Variants in CBFA2T3 observed in about 807,000 individuals in gnomAD.
CBFA2T3 encodes the protein transcriptional corepressor CBFA2T3.
A neutral mutation model predicts 58.6 loss-of-function variants in CBFA2T3; 31 were observed. The ratio of observed to expected loss-of-function variants is 0.53; its 90% CI spans 0.40 to 0.71. The LOEUF (loss-of-function observed/expected upper bound fraction) is 0.71, where lower values mean the gene tolerates loss of function less well. CBFA2T3 is among the 30% of genes least tolerant of loss of function. The pLI is 0.00. For synonymous variants in CBFA2T3, 531 were observed against 421.9 expected (o/e 1.26, Z -3.17); for missense variants, 1,076 against 963.1 (o/e 1.12, Z -1.55).
At chr16:88,966,828 C>T (rs762712501) in intron 1 of CBFA2T3, among the ~76,000 whole-genome samples, 17 of 152,174 alleles carry the variant, frequency 1.1e-4, no homozygotes, top group South Asian at 2.1e-4. Context: ...GGATGCAGCA[C>T]GCCCACTGCT....
chr16:88,916,016 G>C (rs111445102), intron 1 of CBFA2T3, among the ~76,000 whole-genome samples: 10 of 152,062 alleles, frequency 6.6e-5, no homozygotes, highest in Non-Finnish European at 1.3e-4. Flanking sequence ...ATGGGTGTGT[G>C]TCCGTGTGTA....
At chr16:88,878,260 G>C (rs1365212109) in intron 11 of CBFA2T3, among the ~76,000 whole-genome samples, 1 of 152,260 alleles carries the variant, frequency 6.6e-6, no homozygotes, top group Non-Finnish European at 1.5e-5. Context: ...CTCTGTGAGA[G>C]TTGTGCCTGT....
intron 1 of CBFA2T3, among the ~76,000 whole-genome samples, chr16:88,942,050 C>T (rs930686122): frequency 6.6e-6 from 1 of 152,100 alleles, no homozygotes; most frequent in African/African-American, 2.4e-5. Context: ...CCTCGCTTCC[C>T]GCGGGTCCCG....
chr16:88,945,848 A>C (rs1971888272), intron 1 of CBFA2T3, among the ~76,000 whole-genome samples: 1 of 152,242 alleles, frequency 6.6e-6, no homozygotes, highest in Non-Finnish European at 1.5e-5. Context: ...ACTAATGTCC[A>C]CACAAAACCC....
chr16:88,926,426 G>A (rs765916384), intron 1 of CBFA2T3, among the ~76,000 whole-genome samples: 4 of 152,308 alleles, frequency 2.6e-5, no homozygotes, highest in South Asian at 2.1e-4. Flanking sequence ...CCAAAATGTC[G>A]GTGTCTGCTC....
intron 1 of CBFA2T3, among the ~76,000 whole-genome samples, chr16:88,945,624 C>T (rs981204383): frequency 3.9e-5 from 6 of 152,186 alleles, no homozygotes; most frequent in South Asian, 4.1e-4. Context: ...CGAGAGGCCA[C>T]GACACGCCTG....
intron 2 of CBFA2T3, among the ~76,000 whole-genome samples, chr16:88,899,115 T>C (rs1490847070): frequency 7.8e-6 from 1 of 128,134 alleles, no homozygotes; most frequent in Non-Finnish European, 1.6e-5. Flanking sequence ...CAAGATGAAT[T>C]TGCGCCCAGG....
rs112222962 is a variant in CBFA2T3, at chr16:88,958,874, G to A, written c.151+17783C>T. On this transcript the variant is annotated intron_variant, in intron 1 of 11. Transcript: ENST00000268679. The surrounding 1 kb of genome is among the most constrained non-coding windows in gnomAD (Gnocchi z 4.0). ...CTCCCTAGGGGTATGGTCAGAGTGG[G>A]ACCCTGTACCGCCTCTGCCGCCCTT... 0.011 allele frequency among the ~76,000 whole-genome samples: 1,659 copies of A among 152,262 alleles called. 19 individuals carry two copies. Among genetic ancestry groups the A allele is most frequent in the Middle Eastern group, 0.031 (9 of 294 alleles).
chr16:88,896,739 G>A (rs1969901167), intron 3 of CBFA2T3, among the ~76,000 whole-genome samples: 1 of 152,320 alleles, frequency 6.6e-6, no homozygotes, highest in Admixed American at 6.5e-5. Flanking sequence ...GGACCTTCCA[G>A]CAGCTTCTCA....
At chr16:88,889,737 C>G (rs1190574274) in intron 5 of CBFA2T3, among the ~76,000 whole-genome samples, 1 of 148,900 alleles carries the variant, frequency 6.7e-6, no homozygotes, top group Non-Finnish European at 1.5e-5. Context: ...AGGGACACTT[C>G]AAATCCCTGG....
chr16:88,909,710 G>A (rs967872520), intron 1 of CBFA2T3, among the ~76,000 whole-genome samples: 4 of 152,168 alleles, frequency 2.6e-5, no homozygotes, highest in African/African-American at 7.2e-5. Flanking sequence ...TCCGTCCACG[G>A]CCGCCCTCCC....
chr16:88,951,432 C>T lies in CBFA2T3; in HGVS notation c.151+25225G>A. The T allele has an allele frequency of 7.2e-6, 3 of 418,906 alleles. No homozygotes were observed. The Admixed American group carries it at 8.0e-5, about 11-fold the overall frequency. The allele number at this position is 418,906 out of a possible 1,614,324, so 25.9% of individuals were successfully genotyped here. A position where few individuals can be genotyped will look rare whatever the true frequency, so the allele number is the denominator to read the frequency against. The stretch of plus-strand genomic sequence containing the variant: ...TTAGCTGCGTCTTATTTTATTTTCA[C>T]CTTCTTTTCTGTTACCTGTATGTTT... On this transcript the variant is annotated intron_variant, in intron 1 of 11. Coordinates refer to ENST00000268679, the MANE Select transcript of CBFA2T3 (RefSeq NM_005187.6).
intron 1 of CBFA2T3, among the ~76,000 whole-genome samples, chr16:88,947,984 T>C (rs530047153): frequency 6.6e-6 from 1 of 152,308 alleles, no homozygotes; most frequent in South Asian, 2.1e-4. Context: ...AGGGGCACTT[T>C]TTGGTAGTAG....
intron 1 of CBFA2T3, among the ~76,000 whole-genome samples, chr16:88,960,596 C>T (rs757723666): frequency 4.5e-4 from 69 of 152,358 alleles, no homozygotes; most frequent in Non-Finnish European, 8.7e-4. Flanking sequence ...CCTTCTTCCT[C>T]CTTCCTGCCT....
intron 2 of CBFA2T3, among the ~76,000 whole-genome samples, chr16:88,900,535 G>T (rs577640030): frequency 6.6e-6 from 1 of 152,188 alleles, no homozygotes. Context: ...GGCCCGTCAG[G>T]GACCCGGGGC....
chr16:88,882,943 G>A (rs1053032317), intron 7 of CBFA2T3, among the ~76,000 whole-genome samples, 182 bp from the exon 8 acceptor site: 3 of 152,216 alleles, frequency 2.0e-5, no homozygotes, highest in African/African-American at 4.8e-5. Flanking sequence ...TTACTGAGCC[G>A]CCTGGGGCTC....
chr16:88,884,698 C>T (rs936878597), intron 7 of CBFA2T3: 3 of 230,934 alleles, frequency 1.3e-5, no homozygotes, highest in Non-Finnish European at 8.5e-6. Context: ...AGAGTTGGGA[C>T]TCTCGTCTGG....
At chr16:88,963,880 G>A (rs924382604) in intron 1 of CBFA2T3, among the ~76,000 whole-genome samples, 5 of 152,196 alleles carry the variant, frequency 3.3e-5, no homozygotes, top group Middle Eastern at 3.2e-3. Context: ...CTGGCCACAC[G>A]GGCGTGGGTT....
chr16:88,962,302 A>G (rs1198456135), intron 1 of CBFA2T3, among the ~76,000 whole-genome samples: 1 of 152,246 alleles, frequency 6.6e-6, no homozygotes, highest in Non-Finnish European at 1.5e-5. Flanking sequence ...TTTCCACTGC[A>G]TACTCGTACT....
Sources: gnomAD v4.1 joint callset for allele counts (sites outside exome capture counted in the v4.1 genomes callset) on GRCh38, gnomAD v4.1.1 for gene constraint, Gnocchi (gnomAD v3.1) non-coding constraint, MANE v1.5 for transcripts, NCBI Gene and HGNC (gene_info 2026-07-23, HGNC 2026-07-21) for gene names.